The following DPYSL4 variants were observed in gnomAD, a reference collection of about 807,000 sequenced individuals.
DPYSL4 encodes the protein dihydropyrimidinase like 4, also known as dihydropyrimidinase-related protein 4.
A neutral mutation model predicts 63.4 loss-of-function variants in DPYSL4; 43 were observed. The observed-to-expected ratio is 0.68, with a 90% confidence interval of 0.53 to 0.88. The LOEUF (loss-of-function observed/expected upper bound fraction) is 0.88. Among genes scored for constraint, DPYSL4 ranks in the 40% least tolerant of loss-of-function variants. The pLI is 0.00. For synonymous variants in DPYSL4, 353 were observed against 331.7 expected (o/e 1.06, Z -0.70); for missense variants, 733 against 819.5 (o/e 0.89, Z 1.29).
chr10:132,193,596 C>T (rs1156332722), intron 3 of DPYSL4, among the ~76,000 whole-genome samples: 2 of 152,252 alleles, frequency 1.3e-5, no homozygotes, highest in African/African-American at 4.8e-5. Context: ...CGGCGTCCGT[C>T]TGGCACAGAC....
At chr10:132,189,718 C>T (rs1565036963) in intron 1 of DPYSL4, among the ~76,000 whole-genome samples, 1 of 152,316 alleles carries the variant, frequency 6.6e-6, no homozygotes, top group African/African-American at 2.4e-5. Flanking sequence ...CCCAGAGCCC[C>T]TCATCTCACT....
intron 6 of DPYSL4, among the ~76,000 whole-genome samples, 187 bp downstream of exon 6, chr10:132,197,288 G>C (rs1456582399): frequency 6.6e-6 from 1 of 152,230 alleles, no homozygotes; most frequent in African/African-American, 2.4e-5. Flanking sequence ...GAGTTAGAGA[G>C]ACTGGGGGGT....
chr10:132,198,866 G>C lies in DPYSL4; in HGVS notation c.706G>C (p.Val236Leu). Residue 236 changes from valine to leucine, a missense_variant, in exon 8 of 14, where the codon GTG (valine) becomes CTG (leucine). Val to Leu is a conservative substitution (Grantham distance 32, BLOSUM62 1). Transcript: ENST00000338492. ...SHPEEVEAEAVYRAVTIAKQA... is the reference protein window; with the variant it reads ...SHPEEVEAEALYRAVTIAKQA... ...TCGTCCCCAGGTGGAGGCTGAGGCG[G>C]TGTACCGAGCTGTCACCATCGCCAA... 2 of 1,612,956 alleles carry C rather than the reference G, an allele frequency of 1.2e-6. No homozygotes were observed. The highest frequency in any genetic ancestry group is 1.7e-6 in the Non-Finnish European group (2 of 1,179,914).
chr10:132,187,355 TGCCGGGCCC>T (rs1565035127), intron 1 of DPYSL4, among the ~76,000 whole-genome samples: 9 of 37,974 alleles, frequency 2.4e-4, no homozygotes, highest in Non-Finnish European at 4.0e-4. Flanking sequence ...TGCCCGGCCC[TGCCGGGCCC>T]TGCCGGGCCC....
At chr10:132,195,111 C>T in intron 4 of DPYSL4, 102 bp downstream of exon 4, 1 of 1,359,228 alleles carries the variant, frequency 7.4e-7, no homozygotes, top group South Asian at 1.5e-5. Flanking sequence ...GCCCTGGGGG[C>T]TGGTGTCCAG....
chr10:132,202,539 C>G, intron 11 of DPYSL4, 107 bp from the exon 12 acceptor site: 1 of 1,432,786 alleles, frequency 7.0e-7, no homozygotes, highest in African/African-American at 1.4e-5. Flanking sequence ...TGTAGGCACA[C>G]CGGGCCTGCT....
intron 12 of DPYSL4, 101 bp from the exon 13 acceptor site, chr10:132,203,661 C>T (rs2062051949): frequency 1.7e-6 from 2 of 1,184,964 alleles, no homozygotes; most frequent in South Asian, 1.4e-5. Flanking sequence ...AGGCCCAGCC[C>T]TCCAGCTGCC....
chr10:132,201,074 T>G, intron 10 of DPYSL4, 91 bp downstream of exon 10: 1 of 1,510,336 alleles, frequency 6.6e-7, no homozygotes, highest in Non-Finnish European at 8.9e-7. Flanking sequence ...ATCTAACCAG[T>G]GCACACTCGT....
At chr10:132,187,807 G>A (rs2061824875) in intron 1 of DPYSL4, among the ~76,000 whole-genome samples, 2 of 152,200 alleles carry the variant, frequency 1.3e-5, no homozygotes, top group South Asian at 2.1e-4. Context: ...ACACGCACCG[G>A]CGCGGGAGGT....
At chr10:132,198,044 C>T (rs148012454) in intron 6 of DPYSL4, among the ~76,000 whole-genome samples, 257 of 152,310 alleles carry the variant, frequency 1.7e-3, no homozygotes, top group African/African-American at 5.9e-3. Context: ...AAGGAGTGGT[C>T]GTCCATTCCT....
At position 132,190,411 on chromosome 10, in the gene DPYSL4, T is replaced by C. The variant is rs142076855; in HGVS notation, c.40-336T>C. Among the ~76,000 whole-genome samples the C allele has an allele frequency of 3.5e-4, 54 of 152,350 alleles. No homozygotes were observed. The East Asian group carries it at 9.3e-3, about 26-fold the overall frequency. On this transcript the variant is annotated intron_variant, in intron 1 of 13. Coordinates refer to ENST00000338492, the MANE Select transcript of DPYSL4 (RefSeq NM_006426.3). Reference sequence around the variant, plus strand: ...AGGAGGCCATGAGGCAGCGTTCGCCTCCCACCTCAGGCTGGGGCTCCTCAA... The same window carrying C: ...AGGAGGCCATGAGGCAGCGTTCGCCCCCCACCTCAGGCTGGGGCTCCTCAA...
rs1422079711 is a variant in DPYSL4 at position 132,205,255 on chromosome 10, CAG to C, written c.*326_*327del. On this transcript the variant is annotated 3_prime_UTR_variant, in exon 14 of 14. Transcript: ENST00000338492. The stretch of plus-strand genomic sequence containing the variant: ...GGGGACAGGGAACCTGCCGGGCTCA[CAG>C]TGTGGGAGCAGCTGGACACCAGGCT... 2 of 232,386 alleles carry C rather than the reference CAG, an allele frequency of 8.6e-6. No individual in the cohort carries two copies. The highest frequency in any genetic ancestry group is 4.5e-5 in the African/African-American group (2 of 44,316). The allele number at this position is 232,386 out of a possible 1,614,324, so 14.4% of individuals were successfully genotyped here.
chr10:132,194,857 T>A lies in DPYSL4; in HGVS notation c.326T>A (p.Phe109Tyr). The change falls in exon 4 of 14, where the codon TTC (phenylalanine) becomes TAC (tyrosine). Residue 109 changes from phenylalanine (F) to tyrosine (Y), a missense_variant. Transcript: ENST00000338492. ...GCTGCCTTCACAGTGGACCACGTCT[T>A]CCCCGACACGGGTGTGAGCCTGCTG... ...GGTTMILDHV[F>Y]PDTGVSLLAA... 1 of 1,612,430 alleles carries A rather than the reference T, an allele frequency of 6.2e-7. No homozygotes were observed.
chr10:132,200,536 C>G, intron 9 of DPYSL4, 24 bp downstream of exon 9: 1 of 1,610,910 alleles, frequency 6.2e-7, no homozygotes, highest in Non-Finnish European at 8.5e-7. Context: ...CCAGGTGGCC[C>G]CAGGTTGGCC....
chr10:132,198,544 G>T, intron 7 of DPYSL4, 61 bp downstream of exon 7: 1 of 1,497,990 alleles, frequency 6.7e-7, no homozygotes. Context: ...CTGCTGCCTG[G>T]GGCTGTGCTG....
intron 2 of DPYSL4, chr10:132,192,375 C>A: frequency 9.3e-7 from 1 of 1,077,806 alleles, no homozygotes; most frequent in Non-Finnish European, 1.1e-6. Context: ...CAAGCTGCTC[C>A]GTCCTCTAGT....
intron 9 of DPYSL4, 21 bp downstream of exon 9, chr10:132,200,533 G>GCC (rs758786944): frequency 1.2e-6 from 2 of 1,611,342 alleles, no homozygotes; most frequent in South Asian, 2.2e-5. Context: ...TCTCCAGGTG[G>GCC]CCCCAGGTTG....
At chr10:132,196,456 A>T (rs547186605) in intron 4 of DPYSL4, among the ~76,000 whole-genome samples, 1 of 151,412 alleles carries the variant, frequency 6.6e-6, no homozygotes, top group East Asian at 2.0e-4. Context: ...GACGGCCAGA[A>T]TGCAGGTCCC....
intron 13 of DPYSL4, among the ~76,000 whole-genome samples, 195 bp downstream of exon 13, chr10:132,204,122 G>A (rs563693410): frequency 1.2e-3 from 178 of 152,198 alleles, no homozygotes; most frequent in Non-Finnish European, 2.3e-3. Flanking sequence ...CCTCCTGCCC[G>A]CTGTCTGCCC....
Sources: allele counts gnomAD v4.1 joint callset (sites outside exome capture counted in the v4.1 genomes callset), GRCh38; gene constraint gnomAD v4.1.1; transcripts MANE v1.5; gene names NCBI Gene and HGNC (gene_info 2026-07-23, HGNC 2026-07-21).